The following CHEK1 variants were observed in gnomAD, a reference collection of about 807,000 sequenced individuals.
The protein encoded by CHEK1 is serine/threonine-protein kinase Chk1.
CHEK1 carries 32 observed loss-of-function variants against 60.2 expected under a neutral mutation model. The observed-to-expected ratio is 0.53, with a 90% confidence interval of 0.40 to 0.71. CHEK1 has a LOEUF of 0.71. CHEK1 is among the 30% of genes least tolerant of loss of function. CHEK1 has a pLI of 0.00. For missense variants in CHEK1, 399 were observed against 564.6 expected (o/e 0.71, Z 2.97); for synonymous variants, 179 against 187.2 (o/e 0.96, Z 0.36).
downstream of CHEK1, chr11:125,676,290 A>G: frequency 6.3e-7 from 1 of 1,580,578 alleles, no homozygotes; most frequent in Non-Finnish European, 8.7e-7. Context: ...CTGTCATTCC[A>G]ACTGCCCCCT....
At chr11:125,679,210 CTCTT>C (rs1438283946), downstream of CHEK1, among the ~76,000 whole-genome samples, 2 of 83,214 alleles carry the variant, frequency 2.4e-5, no homozygotes, top group Non-Finnish European at 2.6e-5. Flanking sequence ...TTTAATCCGT[CTCTT>C]TCTTTTTTTT....
At chr11:125,660,562 A>G (rs999526271), downstream of CHEK1, among the ~76,000 whole-genome samples, 1 of 151,774 alleles carries the variant, frequency 6.6e-6, no homozygotes, top group Non-Finnish European at 1.5e-5. Context: ...TTTTGGGACT[A>G]TTTCCTTAGG....
At chr11:125,663,602 C>G (rs1445778745) in intron 13 of CHEK1, among the ~76,000 whole-genome samples, 1 of 151,916 alleles carries the variant, frequency 6.6e-6, no homozygotes, top group Admixed American at 6.6e-5. Flanking sequence ...TATTTTCTTC[C>G]TTTCCATAGA....
chr11:125,648,922 CTCTCA>C (rs1298974855), intron 11 of CHEK1, among the ~76,000 whole-genome samples: 3 of 151,834 alleles, frequency 2.0e-5, no homozygotes, highest in African/African-American at 7.3e-5. Context: ...CCAAGTGATC[CTCTCA>C]TCTCAGCCTC....
intron 5 of CHEK1, among the ~76,000 whole-genome samples, chr11:125,630,033 TTAAAA>T (rs1940804690): frequency 6.6e-6 from 1 of 152,110 alleles, no homozygotes; most frequent in South Asian, 2.1e-4. Flanking sequence ...CAAGAATAGT[TTAAAA>T]TAATCCTTTA....
chr11:125,657,804 C>T (rs1245707743), downstream of CHEK1, among the ~76,000 whole-genome samples: 1 of 152,078 alleles, frequency 6.6e-6, no homozygotes, highest in Non-Finnish European at 1.5e-5. Context: ...TGTACATGTT[C>T]ATTTGTTTTG....
intron 11 of CHEK1, among the ~76,000 whole-genome samples, chr11:125,648,632 TA>T (rs1023228975): frequency 1.1e-4 from 17 of 149,916 alleles, no homozygotes; most frequent in Non-Finnish European, 2.4e-4. Context: ...GAAATTGTTT[TA>T]CTTTTTTTTT....
chr11:125,680,715 G>C, downstream of CHEK1: 2 of 1,611,488 alleles, frequency 1.2e-6, no homozygotes, highest in South Asian at 1.1e-5. Context: ...CTGAAGCCTA[G>C]ATCAAACACT....
rs763297069 is a variant in CHEK1 at position 125,627,590 on chromosome 11, A to G, written c.66-17A>G. The stretch of plus-strand genomic sequence containing the variant: ...AGAAATGGAATTCTGTAATGTTAAA[A>G]CTCTTTTCCTTTTTAGAGTTCAACT... On this transcript the variant is annotated splice_polypyrimidine_tract_variant and intron_variant, in intron 2 of 12. Transcript: ENST00000438015. The G allele has an allele frequency of 7.6e-6, 12 of 1,588,962 alleles. No homozygotes were observed. The highest frequency in any genetic ancestry group is 1.0e-5 in the Non-Finnish European group (12 of 1,167,968).
chr11:125,645,113 T>A (rs1227602056), intron 11 of CHEK1, among the ~76,000 whole-genome samples: 2 of 152,216 alleles, frequency 1.3e-5, no homozygotes, highest in Admixed American at 6.5e-5. Context: ...TTTTTTATTT[T>A]GTTTTATTTT....
intron 13 of CHEK1, among the ~76,000 whole-genome samples, chr11:125,670,388 TC>T (rs767816807): frequency 1.3e-4 from 20 of 152,356 alleles, no homozygotes; most frequent in South Asian, 4.1e-4. Context: ...CCCTGCTTTT[TC>T]TATGTGTAAT....
chr11:125,678,978 T>TTATATACATATATATA (rs1942654892), downstream of CHEK1, among the ~76,000 whole-genome samples: 1 of 88,436 alleles, frequency 1.1e-5, no homozygotes, highest in Admixed American at 1.4e-4. Flanking sequence ...TCTAGGCATA[T>TTATATACATATATATA]TATATATATA....
chr11:125,649,386 AT>A (rs142402703), intron 11 of CHEK1, among the ~76,000 whole-genome samples: 12,045 of 148,440 alleles, frequency 0.081, 569 homozygotes, highest in African/African-American at 0.13. Flanking sequence ...TCCATGGTCT[AT>A]TTTTTTTTTC....
At chr11:125,680,057 T>A (rs1428131787), downstream of CHEK1, among the ~76,000 whole-genome samples, 3 of 152,252 alleles carry the variant, frequency 2.0e-5, no homozygotes, top group African/African-American at 7.2e-5. Context: ...CTGGTGGCTG[T>A]GTATCTACAT....
intron 6 of CHEK1, among the ~76,000 whole-genome samples, chr11:125,634,735 G>A (rs3731412): frequency 1.3e-5 from 2 of 152,072 alleles, no homozygotes; most frequent in Non-Finnish European, 2.9e-5. Context: ...CGTCTCAAAG[G>A]CCCCACCTCC....
intron 13 of CHEK1, among the ~76,000 whole-genome samples, chr11:125,672,873 G>GC (rs1468877770): frequency 2.0e-5 from 3 of 152,010 alleles, no homozygotes; most frequent in African/African-American, 4.8e-5. Context: ...CTGGGAACTT[G>GC]CCCCCCATCA....
At chr11:125,648,606 A>G (rs972149171) in intron 11 of CHEK1, among the ~76,000 whole-genome samples, 3 of 151,432 alleles carry the variant, frequency 2.0e-5, no homozygotes, top group Non-Finnish European at 4.4e-5. Context: ...TACATTGTTT[A>G]TCAATAGAGA....
Position 125,625,873 on chromosome 11 carries a change from C to T in CHEK1, c.-160C>T. Reference sequence around the variant, plus strand: ...TCACCCTTTTGGAGCCGCCGACATTCAGAGGGGCAGGACACGGGAACGCGC... The same window carrying T: ...TCACCCTTTTGGAGCCGCCGACATTTAGAGGGGCAGGACACGGGAACGCGC... On this transcript the variant is annotated 5_prime_UTR_variant, in exon 1 of 13. Coordinates refer to ENST00000438015, the MANE Select transcript of CHEK1 (RefSeq NM_001114122.3). The T allele has an allele frequency of 1.4e-6, 1 of 702,662 alleles. No individual in the cohort carries two copies. The highest frequency in any genetic ancestry group is 2.6e-6 in the Non-Finnish European group (1 of 385,020). The allele number at this position is 702,662 out of a possible 1,614,324, so 43.5% of individuals were successfully genotyped here. A position where few individuals can be genotyped will look rare whatever the true frequency, so the allele number is the denominator to read the frequency against.
chr11:125,660,524 C>G (rs1941992953), downstream of CHEK1, among the ~76,000 whole-genome samples: 1 of 152,010 alleles, frequency 6.6e-6, no homozygotes. Context: ...CCATGCCTGG[C>G]TAGGTTCTGT....
Sources: allele counts gnomAD v4.1 joint callset (sites outside exome capture counted in the v4.1 genomes callset), GRCh38; gene constraint gnomAD v4.1.1; transcripts MANE v1.5; gene names NCBI Gene and HGNC (gene_info 2026-07-23, HGNC 2026-07-21).